AOPEP: variants seen among roughly 807,000 people sequenced by gnomAD.
AOPEP encodes aminopeptidase O.
A neutral mutation model predicts 98.1 loss-of-function variants in AOPEP; 77 were observed. The observed-to-expected ratio is 0.78, with a 90% CI of 0.65 to 0.95. The LOEUF is 0.95. AOPEP is among the 40% of genes least tolerant of loss of function. The pLI, the probability that AOPEP is intolerant of heterozygous loss-of-function variation, is 0.00. For synonymous variants in AOPEP, 346 were observed against 365.3 expected (o/e 0.95, Z 0.60); for missense variants, 1,024 against 1,024.7 (o/e 1.00, Z 0.01).
Position 94,760,469 on chromosome 9 carries a change from T to A in AOPEP, c.686T>A (p.Ile229Lys). ...GACACTGACACTTGGAGCTTGCAGATAAGGAAGACAGGGGCTCAGACAGCT... is the reference window on the plus strand; with the variant it reads ...GACACTGACACTTGGAGCTTGCAGAAAAGGAAGACAGGGGCTCAGACAGCT... ...LFDTDTWSLQ[I>K]RKTGAQTATD... is the part of the protein sequence containing the mutation. Residue 229 changes from isoleucine to lysine, a missense_variant, in exon 2 of 17, where the codon ATA becomes AAA. By Grantham distance (102) the Ile-to-Lys change is moderately radical. This residue lies in a region of AOPEP where 440 missense variants were observed against 433.8 expected (regional missense o/e 1.01). Transcript: ENST00000375315. The A allele has an allele frequency of 6.2e-7, 1 of 1,613,614 alleles. No individual in the cohort carries two copies. Among genetic ancestry groups the A allele is most frequent in the Non-Finnish European group, 8.5e-7 (1 of 1,179,842 alleles).
chr9:94,850,604 C>T (rs2043436710), intron 5 of AOPEP, among the ~76,000 whole-genome samples: 1 of 152,232 alleles, frequency 6.6e-6, no homozygotes. Flanking sequence ...CACCGCCCGA[C>T]TCCAGAGTGG....
chr9:94,874,356 C>G (rs923023201), intron 5 of AOPEP, among the ~76,000 whole-genome samples: 57 of 151,974 alleles, frequency 3.8e-4, no homozygotes, highest in African/African-American at 1.3e-3. Context: ...CAAACAGCAT[C>G]TAAAAGAACA....
intron 10 of AOPEP, 126 bp from the exon 11 acceptor site, chr9:94,979,233 GCTGCCCTT>G: frequency 1.7e-6 from 1 of 583,974 alleles, no homozygotes; most frequent in Non-Finnish European, 3.2e-6. Context: ...CCAGGGGAGC[GCTGCCCTT>G]TCTGTAAAGC....
chr9:95,029,987 T>C (rs2064158528), intron 13 of AOPEP, among the ~76,000 whole-genome samples: 1 of 152,224 alleles, frequency 6.6e-6, no homozygotes, highest in African/African-American at 2.4e-5. Context: ...GATTCTGGTC[T>C]CTGCATAAAG....
chr9:94,943,185 A>C (rs2057210040), intron 7 of AOPEP, among the ~76,000 whole-genome samples: 1 of 152,176 alleles, frequency 6.6e-6, no homozygotes, highest in Non-Finnish European at 1.5e-5. Flanking sequence ...TAAAAAGACA[A>C]CCTACAGAAT....
At chr9:94,887,662 A>G (rs1807189819) in intron 5 of AOPEP, among the ~76,000 whole-genome samples, 2 of 152,130 alleles carry the variant, frequency 1.3e-5, no homozygotes, top group African/African-American at 4.8e-5. Context: ...CTGCTATTGC[A>G]TTTTCATAAG....
the AOPEP span, among the ~76,000 whole-genome samples, chr9:95,117,138 G>C: frequency 6.6e-6 from 1 of 152,174 alleles, no homozygotes; most frequent in South Asian, 2.1e-4. Context: ...GGGAAGCCAA[G>C]CAGACTCTCA....
At chr9:94,905,091 T>G (rs2050936177) in intron 5 of AOPEP, among the ~76,000 whole-genome samples, 1 of 152,250 alleles carries the variant, frequency 6.6e-6, no homozygotes, top group Non-Finnish European at 1.5e-5. Context: ...AAAAGCATCT[T>G]TGTTCTTTGT....
chr9:94,770,519 G>T, intron 2 of AOPEP, among the ~76,000 whole-genome samples: 1 of 152,144 alleles, frequency 6.6e-6, no homozygotes. Context: ...ACTCACTCGC[G>T]TGGCTGTTGC....
At chr9:95,090,364 C>T (rs1033887520), downstream of AOPEP, among the ~76,000 whole-genome samples, 10 of 152,368 alleles carry the variant, frequency 6.6e-5, no homozygotes, top group African/African-American at 2.4e-4. Flanking sequence ...CCCGCAGGAG[C>T]CGGGCAGCCC....
At chr9:94,835,120 G>A (rs2041422352) in intron 5 of AOPEP, among the ~76,000 whole-genome samples, 1 of 152,122 alleles carries the variant, frequency 6.6e-6, no homozygotes, top group Admixed American at 6.5e-5. Flanking sequence ...TATTTCATAG[G>A]GGGAAAGGAC....
chr9:95,147,840 T>C, the AOPEP span, among the ~76,000 whole-genome samples: 1 of 152,220 alleles, frequency 6.6e-6, no homozygotes, highest in Non-Finnish European at 1.5e-5. Context: ...TGCCTTACAA[T>C]AGAATCTCTG....
intron 13 of AOPEP, among the ~76,000 whole-genome samples, chr9:95,052,276 A>G (rs1422856875): frequency 6.6e-6 from 1 of 152,210 alleles, no homozygotes; most frequent in Non-Finnish European, 1.5e-5. Context: ...CATGAGCAAA[A>G]TCTGGTTCCA....
At chr9:95,022,569 G>C (rs1309914260) in intron 13 of AOPEP, among the ~76,000 whole-genome samples, 1 of 152,048 alleles carries the variant, frequency 6.6e-6, no homozygotes, top group Non-Finnish European at 1.5e-5. Context: ...TCGATTTCCT[G>C]ACCTCATGAT....
intron 1 of AOPEP, among the ~76,000 whole-genome samples, chr9:94,745,819 G>A (rs1361951947): frequency 6.6e-6 from 1 of 152,212 alleles, no homozygotes; most frequent in Non-Finnish European, 1.5e-5. Flanking sequence ...GAATAGTGCT[G>A]CAGTAAGTAT....
chr9:94,825,001 A>G (rs1439376410), intron 5 of AOPEP, among the ~76,000 whole-genome samples: 1 of 151,972 alleles, frequency 6.6e-6, no homozygotes, highest in African/African-American at 2.4e-5. Context: ...CTACCAAAGA[A>G]TCTTTGATTT....
intron 3 of AOPEP, among the ~76,000 whole-genome samples, chr9:94,781,722 G>A (rs1249645261): frequency 6.6e-6 from 1 of 150,874 alleles, no homozygotes; most frequent in Non-Finnish European, 1.5e-5. Context: ...CACCACGCCT[G>A]GCTAATTTTT....
At chr9:94,931,883 C>A in intron 7 of AOPEP, 2 of 1,255,922 alleles carry the variant, frequency 1.6e-6, no homozygotes, top group South Asian at 1.5e-5. Context: ...TGTGGCCAGT[C>A]CTTCCTCACC....
At chr9:94,867,831 T>G (rs1163704864) in intron 5 of AOPEP, among the ~76,000 whole-genome samples, 1 of 152,242 alleles carries the variant, frequency 6.6e-6, no homozygotes, top group Non-Finnish European at 1.5e-5. Context: ...TATATACTGG[T>G]GCAGTCACTT....
Sources: gnomAD v4.1 joint callset for allele counts (sites outside exome capture counted in the v4.1 genomes callset) on GRCh38, gnomAD v4.1.1 for gene constraint, gnomAD v4.1.1 regional missense constraint, MANE v1.5 for transcripts, NCBI Gene and HGNC (gene_info 2026-07-23, HGNC 2026-07-21) for gene names.